LINGO2: variants seen among roughly 807,000 people sequenced by gnomAD.
LINGO2 encodes leucine-rich repeat and immunoglobulin-like domain-containing nogo receptor-interacting protein 2.
LINGO2 carries 14 observed loss-of-function variants against 30.6 expected under a neutral mutation model. The ratio of observed to expected loss-of-function variants is 0.46; its 90% confidence interval spans 0.30 to 0.72. The LOEUF (loss-of-function observed/expected upper bound fraction) is 0.72. Ranked by LOEUF, LINGO2 falls within the 30% of genes least tolerant of loss-of-function variation. The probability of loss-of-function intolerance (pLI) is 0.07; values close to 1 mark genes in which losing one functional copy is unlikely to be tolerated. For missense variants in LINGO2, 729 were observed against 751.7 expected, an observed-to-expected ratio of 0.97 and a Z score of 0.35; for synonymous variants, 317 against 288.5, an observed-to-expected ratio of 1.10 and a Z score of -1.00.
At chr9:28,676,143 C>T in the LINGO2 span, among the ~76,000 whole-genome samples, 864 of 150,762 alleles carry the variant, frequency 5.7e-3, 6 homozygotes, top group African/African-American at 0.02. Flanking sequence ...GCATTAATTC[C>T]ATTTTAATTA....
chr9:28,411,732 T>C (rs1476554462), intron 2 of LINGO2, among the ~76,000 whole-genome samples: 1 of 152,096 alleles, frequency 6.6e-6, no homozygotes, highest in Non-Finnish European at 1.5e-5. Flanking sequence ...TGAACATGGG[T>C]ATACAAATAT....
the LINGO2 span, among the ~76,000 whole-genome samples, chr9:28,882,905 T>G: frequency 6.6e-6 from 1 of 152,220 alleles, no homozygotes; most frequent in Non-Finnish European, 1.5e-5. Context: ...GCTATTGTAA[T>G]AGTCTTGTAA....
the LINGO2 span, among the ~76,000 whole-genome samples, chr9:29,105,483 G>A: frequency 6.6e-6 from 1 of 152,224 alleles, no homozygotes; most frequent in East Asian, 1.9e-4. Context: ...TCATCGAAAA[G>A]TAAAGTACCA....
In LINGO2 at chr9:28,402,556, T is replaced by C. The variant is rs112312846; in HGVS notation, c.-278-29688A>G. 3.9e-3 allele frequency among the ~76,000 whole-genome samples: 593 copies of C among 152,000 alleles called. 8 individuals are homozygous for C. The highest frequency in any genetic ancestry group is 0.013 in the African/African-American group (542 of 41,514). On this transcript the variant is annotated intron_variant, in intron 2 of 5. Transcript: ENST00000379992. ...CTGCCTCCTATCTTCTCTGCCCCAC[T>C]TCTCCTCCCTTCCTTCTTCCCTCTC...
chr9:28,585,327 C>T (rs1824475331), intron 1 of LINGO2, among the ~76,000 whole-genome samples: 1 of 151,916 alleles, frequency 6.6e-6, no homozygotes, highest in South Asian at 2.1e-4. Context: ...TGGACTGTGG[C>T]TCCTTAGACT....
At chr9:28,658,922 A>G (rs1828473635) in intron 1 of LINGO2, among the ~76,000 whole-genome samples, 1 of 152,134 alleles carries the variant, frequency 6.6e-6, no homozygotes, top group African/African-American at 2.4e-5. Context: ...AAGAGATATA[A>G]TGCCTCAAAT....
At chr9:28,439,826 G>A (rs901690904) in intron 2 of LINGO2, among the ~76,000 whole-genome samples, 1 of 152,160 alleles carries the variant, frequency 6.6e-6, no homozygotes, top group African/African-American at 2.4e-5. Context: ...TTTGTTCAGT[G>A]ATATGTGTTA....
At chr9:28,797,359 T>TATATAGAGAGAGAGAGAGAGAG in the LINGO2 span, among the ~76,000 whole-genome samples, 7 of 34,208 alleles carry the variant, frequency 2.0e-4, no homozygotes, top group East Asian at 1.6e-3. Flanking sequence ...TATATATATA[T>TATATAGAGAGAGAGAGAGAGAG]AGAGAGAGAG....
intron 1 of LINGO2, among the ~76,000 whole-genome samples, chr9:28,494,666 C>A (rs1019056087): frequency 6.6e-6 from 1 of 152,048 alleles, no homozygotes; most frequent in East Asian, 1.9e-4. Context: ...TGAATAGTGC[C>A]GCAATAAACA....
chr9:28,637,385 G>T (rs929516558), intron 1 of LINGO2, among the ~76,000 whole-genome samples: 1 of 152,104 alleles, frequency 6.6e-6, no homozygotes, highest in Admixed American at 6.6e-5. Flanking sequence ...GATGGGGATG[G>T]CATTGAATCT....
the LINGO2 span, among the ~76,000 whole-genome samples, chr9:29,029,940 A>G: frequency 6.6e-6 from 1 of 151,948 alleles, no homozygotes; most frequent in African/African-American, 2.4e-5. Flanking sequence ...ATTTCTAATC[A>G]TTAGACTAGT....
At chr9:28,275,136 T>C (rs1032156413) in intron 4 of LINGO2, among the ~76,000 whole-genome samples, 3 of 152,122 alleles carry the variant, frequency 2.0e-5, no homozygotes, top group African/African-American at 7.2e-5. Flanking sequence ...TGGCGCTATC[T>C]TGGCTCACTG....
chr9:28,157,621 T>C (rs1300818752), intron 4 of LINGO2, among the ~76,000 whole-genome samples: 1 of 152,234 alleles, frequency 6.6e-6, no homozygotes, highest in Admixed American at 6.5e-5. Flanking sequence ...TATCATCTCG[T>C]GAGGCTGCAA....
chr9:28,059,859 T>C (rs114412588), intron 4 of LINGO2, among the ~76,000 whole-genome samples: 2 of 151,974 alleles, frequency 1.3e-5, no homozygotes, highest in African/African-American at 4.8e-5. Flanking sequence ...CCAGAGCAGA[T>C]TGCAGGAGGC....
chr9:28,079,053 TC>T (rs1825703617), intron 4 of LINGO2, among the ~76,000 whole-genome samples: 1 of 148,722 alleles, frequency 6.7e-6, no homozygotes, highest in African/African-American at 2.6e-5. Flanking sequence ...AAAATGGTCC[TC>T]CTCTGATTAA....
intron 4 of LINGO2, among the ~76,000 whole-genome samples, chr9:28,015,316 CT>C (rs1822772358): frequency 6.6e-6 from 1 of 152,104 alleles, no homozygotes. Flanking sequence ...AAAGGTTCCA[CT>C]TCTGTACATG....
At chr9:29,069,103 T>A in the LINGO2 span, among the ~76,000 whole-genome samples, 1 of 151,864 alleles carries the variant, frequency 6.6e-6, no homozygotes, top group African/African-American at 2.4e-5. Flanking sequence ...GACAATTATA[T>A]GTATCCATTG....
chr9:28,552,937 C>T (rs1352211490), intron 1 of LINGO2, among the ~76,000 whole-genome samples: 4 of 151,160 alleles, frequency 2.6e-5, no homozygotes, highest in African/African-American at 9.7e-5. Context: ...CCTTTTCTCA[C>T]ATCTTTGAGG....
intron 4 of LINGO2, among the ~76,000 whole-genome samples, chr9:28,217,571 T>C (rs1820812652): frequency 6.6e-6 from 1 of 151,976 alleles, no homozygotes; most frequent in Non-Finnish European, 1.5e-5. Context: ...GTCTTGGAAG[T>C]CTTATTTTTT....
Sources: allele counts gnomAD v4.1 joint callset (sites outside exome capture counted in the v4.1 genomes callset), GRCh38; gene constraint gnomAD v4.1.1; transcripts MANE v1.5; gene names NCBI Gene and HGNC (gene_info 2026-07-23, HGNC 2026-07-21).